The following SRRM4 variants were observed in gnomAD, a reference collection of about 807,000 sequenced individuals.
The protein encoded by SRRM4 is serine/arginine repetitive matrix 4.
In SRRM4, 33 loss-of-function variants were observed where a neutral mutation model predicts 68.9. The observed-to-expected ratio is 0.48, with a 90% CI of 0.36 to 0.64. The LOEUF is 0.64. Ranked by LOEUF, SRRM4 falls within the 30% of genes least tolerant of loss-of-function variation. The pLI is 0.00. For missense variants in SRRM4, 817 were observed against 827.1 expected, an observed-to-expected ratio of 0.99 and a Z score of 0.15; for synonymous variants, 318 against 318.8, an observed-to-expected ratio of 1.00 and a Z score of 0.03.
chr12:119,068,207 A>T (rs900316786), intron 1 of SRRM4, among the ~76,000 whole-genome samples: 81 of 152,194 alleles, frequency 5.3e-4, no homozygotes, highest in African/African-American at 1.9e-3. Flanking sequence ...CTCATCTGTA[A>T]TAGCAGTGGT....
chr12:119,090,838 C>G (rs1954010167), intron 1 of SRRM4, among the ~76,000 whole-genome samples: 3 of 152,186 alleles, frequency 2.0e-5, no homozygotes, highest in African/African-American at 7.2e-5. Flanking sequence ...TGCAACTGAC[C>G]AAGCTGGCAA....
chr12:119,096,034 A>AT (rs1487977771), intron 1 of SRRM4, among the ~76,000 whole-genome samples: 3 of 142,276 alleles, frequency 2.1e-5, no homozygotes, highest in Non-Finnish European at 4.6e-5. Flanking sequence ...TTATTTATTT[A>AT]TTTTTTTATG....
intron 1 of SRRM4, among the ~76,000 whole-genome samples, chr12:118,998,268 C>CAAAAAAAAAAAAAAAAGAAAAAAAA (rs1953361568): frequency 2.7e-5 from 1 of 36,574 alleles, no homozygotes; most frequent in Non-Finnish European, 4.5e-5. Context: ...AGCAATATGG[C>CAAAAAAAAAAAAAAAAGAAAAAAAA]AAAAAAAAAA....
At chr12:119,038,207 C>CTTTTT (rs34123754) in intron 1 of SRRM4, among the ~76,000 whole-genome samples, 1 of 142,506 alleles carries the variant, frequency 7.0e-6, no homozygotes, top group Non-Finnish European at 1.5e-5. Flanking sequence ...AAATTAAAAA[C>CTTTTT]TTTTTTTTTT....
intron 1 of SRRM4, among the ~76,000 whole-genome samples, chr12:119,101,289 A>C (rs1418991475): frequency 6.6e-6 from 1 of 152,172 alleles, no homozygotes; most frequent in Non-Finnish European, 1.5e-5. Context: ...CTTGGGTGAC[A>C]GTCTCTTCAA....
At chr12:119,071,805 A>G (rs1953879638) in intron 1 of SRRM4, among the ~76,000 whole-genome samples, 1 of 152,146 alleles carries the variant, frequency 6.6e-6, no homozygotes, top group South Asian at 2.1e-4. Flanking sequence ...TTACTTTTCA[A>G]CAAAGGTCTT....
In SRRM4 at chr12:119,129,155, C is replaced by T. The variant is rs147493583; in HGVS notation, c.615-1523C>T. 2.0e-5 allele frequency among the ~76,000 whole-genome samples: 3 copies of T among 152,332 alleles called. No homozygotes were observed. The East Asian group carries it at 5.8e-4, about 29-fold the overall frequency. Reference sequence around the variant, plus strand: ...CCTAAACATCTCTGAGCTTCGGCTCCCTCATCTGTAAAATGGGAAAGTAAT... The same window carrying T: ...CCTAAACATCTCTGAGCTTCGGCTCTCTCATCTGTAAAATGGGAAAGTAAT... On this transcript the variant is annotated intron_variant, in intron 7 of 12. Transcript: ENST00000267260.
intron 1 of SRRM4, among the ~76,000 whole-genome samples, chr12:119,073,114 C>G (rs111735577): frequency 0.05 from 7,592 of 151,632 alleles, 277 homozygotes; most frequent in African/African-American, 0.097. Context: ...ATGTGACGCT[C>G]TAAGGAAATA....
Position 119,154,296 on chromosome 12 carries a change from G to C in SRRM4, c.1445G>C (p.Arg482Pro), listed in dbSNP as rs751560436. 6.2e-7 allele frequency: 1 copy of C among 1,611,400 alleles called. No homozygotes were observed. The highest frequency in any genetic ancestry group is 1.6e-4 in the Middle Eastern group (1 of 6,074). Residue 482 changes from arginine to proline, a missense_variant, in exon 12 of 13, where the codon CGA (arginine) becomes CCA (proline). By Grantham distance (103) the Arg-to-Pro change is moderately radical. Transcript: ENST00000267260. The surrounding 1 kb of genome is among the most constrained non-coding windows in gnomAD (Gnocchi z 4.7). Reference protein sequence around the residue: ...EKDSQQRERERARRRRRSYSP... With the variant: ...EKDSQQREREPARRRRRSYSP... ...GACTCGCAGCAGCGGGAGCGCGAGC[G>C]AGCGCGTCGGAGACGTCGGTCCTAC...
At chr12:119,089,344 G>C (rs538250952) in intron 1 of SRRM4, among the ~76,000 whole-genome samples, 1 of 152,146 alleles carries the variant, frequency 6.6e-6, no homozygotes, top group African/African-American at 2.4e-5. Context: ...CTGAGGTAAT[G>C]GGTTTGACTT....
chr12:119,120,204 T>G, intron 4 of SRRM4, 46 bp from the exon 5 acceptor site: 1 of 1,419,504 alleles, frequency 7.0e-7, no homozygotes, highest in East Asian at 2.5e-5. Flanking sequence ...TCTGCCTTTT[T>G]TTTCTTTGAT....
At chr12:118,992,790 C>T (rs774543642) in intron 1 of SRRM4, among the ~76,000 whole-genome samples, 1 of 152,140 alleles carries the variant, frequency 6.6e-6, no homozygotes, top group Non-Finnish European at 1.5e-5. Context: ...GATGGGGAGA[C>T]TGAGGCACAG....
chr12:119,040,856 T>C (rs137955996), intron 1 of SRRM4, among the ~76,000 whole-genome samples: 3,417 of 152,082 alleles, frequency 0.022, 52 homozygotes, highest in South Asian at 0.041. Flanking sequence ...TTCAAGCAAT[T>C]CTCCTGCCTC....
chr12:119,001,031 G>A (rs982391285), intron 1 of SRRM4: 2 of 72,714 alleles, frequency 2.8e-5, no homozygotes, highest in Non-Finnish European at 8.3e-5. Context: ...AAATGAGGGT[G>A]GCATAGTTAG....
intron 8 of SRRM4, among the ~76,000 whole-genome samples, chr12:119,133,814 G>GAAAT (rs1343712178): frequency 1.3e-5 from 2 of 152,196 alleles, no homozygotes. Context: ...TACTAAGAAA[G>GAAAT]AAATAGCCTG....
chr12:119,104,379 A>G (rs1954094734), intron 2 of SRRM4, among the ~76,000 whole-genome samples: 1 of 152,030 alleles, frequency 6.6e-6, no homozygotes, highest in African/African-American at 2.4e-5. Context: ...ACTCCCTTCT[A>G]TCTGTGACTG....
chr12:119,122,275 GC>G (rs1367373180), intron 6 of SRRM4, among the ~76,000 whole-genome samples, 155 bp downstream of exon 6: 1,759 of 93,748 alleles, frequency 0.019, 17 homozygotes, highest in Admixed American at 0.058. Flanking sequence ...AGGCAGGAAG[GC>G]AGGAAGGCAG....
chr12:119,018,703 A>G (rs907234552), intron 1 of SRRM4, among the ~76,000 whole-genome samples: 2 of 152,184 alleles, frequency 1.3e-5, no homozygotes, highest in African/African-American at 2.4e-5. Flanking sequence ...TTAATTGAGA[A>G]TGCTGGGTGG....
At chr12:119,061,418 C>A (rs925384586) in intron 1 of SRRM4, among the ~76,000 whole-genome samples, 2 of 152,142 alleles carry the variant, frequency 1.3e-5, no homozygotes, top group African/African-American at 2.4e-5. Context: ...CCAGGGACAG[C>A]GACCACTGAT....
Sources: gnomAD v4.1 joint callset for allele counts (sites outside exome capture counted in the v4.1 genomes callset) on GRCh38, gnomAD v4.1.1 for gene constraint, Gnocchi (gnomAD v3.1) non-coding constraint, MANE v1.5 for transcripts, NCBI Gene and HGNC (gene_info 2026-07-23, HGNC 2026-07-21) for gene names.